KMO: variants seen among roughly 807,000 people sequenced by gnomAD.
KMO encodes the protein kynurenine 3-hydroxylase.
A neutral mutation model predicts 57.8 loss-of-function variants in KMO; 24 were observed. That is an observed-to-expected ratio of 0.42 (90% CI 0.30 to 0.58). The LOEUF is 0.58. KMO is among the 20% of genes least tolerant of loss of function. The probability of loss-of-function intolerance (pLI) is 0.22; values close to 1 mark genes in which losing one functional copy is unlikely to be tolerated. For synonymous variants in KMO, 210 were observed against 193.6 expected (o/e 1.08, Z -0.70); for missense variants, 483 against 588.2 (o/e 0.82, Z 1.85).
In KMO at chr1:241,568,607, C is replaced by T. The variant is rs1662164929; in HGVS notation, c.917C>T (p.Ala306Val). The T allele has an allele frequency of 6.2e-7, 1 of 1,613,954 alleles. No individual in the cohort carries two copies. The highest frequency in any genetic ancestry group is 1.3e-5 in the African/African-American group (1 of 75,040). ...KSHCVLLGDAAHAIVPFFGQG... is the reference protein window; with the variant it reads ...KSHCVLLGDAVHAIVPFFGQG... ...CACTGTGTACTGCTGGGAGATGCAGCTCATGCTATAGTGCCGTTTTTTGGG... is the reference window on the plus strand; with the variant it reads ...CACTGTGTACTGCTGGGAGATGCAGTTCATGCTATAGTGCCGTTTTTTGGG... Residue 306 changes from alanine (A) to valine (V), a missense_variant, in exon 10 of 15, where the codon GCT becomes GTT. This residue lies in a region of KMO where 410 missense variants were observed against 492.3 expected (regional missense o/e 0.83). Coordinates refer to ENST00000366559, the MANE Select transcript of KMO (RefSeq NM_003679.5).
chr1:241,545,061 T>C (rs61333527), intron 1 of KMO, among the ~76,000 whole-genome samples: 4,863 of 152,200 alleles, frequency 0.032, 232 homozygotes, highest in African/African-American at 0.11. Context: ...GCAGATTAAG[T>C]TATATTTAGT....
chr1:241,579,661 T>C (rs1273320541), intron 10 of KMO, among the ~76,000 whole-genome samples: 1 of 152,086 alleles, frequency 6.6e-6, no homozygotes, highest in Non-Finnish European at 1.5e-5. Context: ...GCCATAAGCC[T>C]TCTCCTCAGA....
chr1:241,537,712 G>A (rs772113461), intron 1 of KMO, among the ~76,000 whole-genome samples: 1 of 152,112 alleles, frequency 6.6e-6, no homozygotes, highest in East Asian at 1.9e-4. Flanking sequence ...AAGGCAAAAG[G>A]CATGTCTTAC....
chr1:241,578,462 G>T (rs1490006148), intron 10 of KMO, among the ~76,000 whole-genome samples: 1 of 152,116 alleles, frequency 6.6e-6, no homozygotes, highest in Admixed American at 6.5e-5. Flanking sequence ...TACTGTGAAT[G>T]CTGTTGCTCC....
At chr1:241,561,800 A>G (rs1249013654) in intron 6 of KMO, among the ~76,000 whole-genome samples, 3 of 152,290 alleles carry the variant, frequency 2.0e-5, no homozygotes, top group East Asian at 3.9e-4. Context: ...ACCTGTGCTC[A>G]AGACAAATGT....
In KMO at chr1:241,560,566, TA is replaced by T. The variant is rs1661798403; in HGVS notation, c.362-98del. 5 of 838,578 alleles carry T rather than the reference TA, an allele frequency of 6.0e-6. No homozygotes were observed. In the Admixed American group the frequency reaches 9.8e-5, roughly 16 times the overall value. 51.9% of individuals were successfully genotyped at this position (838,578 alleles called of 1,614,324 possible). The stretch of plus-strand genomic sequence containing the variant: ...TTACATTGTTATGAATAAAATTCTC[TA>T]CCATACTGTTCCCAGAAAACAATTA... On this transcript the variant is annotated intron_variant, in intron 5 of 14. Coordinates refer to ENST00000366559, the MANE Select transcript of KMO (RefSeq NM_003679.5).
At chr1:241,557,409 G>C (rs910663643) in intron 5 of KMO, among the ~76,000 whole-genome samples, 3 of 152,046 alleles carry the variant, frequency 2.0e-5, no homozygotes, top group Non-Finnish European at 4.4e-5. Flanking sequence ...TTTTTAAACA[G>C]AGACTGTACA....
At chr1:241,577,665 A>T (rs1181771531) in intron 10 of KMO, among the ~76,000 whole-genome samples, 1 of 152,088 alleles carries the variant, frequency 6.6e-6, no homozygotes, top group Non-Finnish European at 1.5e-5. Context: ...CATGATGTGC[A>T]CTTTTTTATT....
chr1:241,586,238 A>T (rs1259798680), intron 10 of KMO, among the ~76,000 whole-genome samples: 2 of 119,146 alleles, frequency 1.7e-5, no homozygotes, highest in Non-Finnish European at 3.2e-5. Flanking sequence ...TCGCTCTGTC[A>T]CCCAGGCTGG....
intron 8 of KMO, among the ~76,000 whole-genome samples, chr1:241,565,417 G>C (rs1464578344): frequency 1.3e-5 from 2 of 151,960 alleles, no homozygotes; most frequent in African/African-American, 2.4e-5. Flanking sequence ...ATTGGAATAC[G>C]CATTATCAAA....
At chr1:241,590,399 C>T (rs1399287475) in intron 14 of KMO, 136 bp downstream of exon 14, 4 of 717,406 alleles carry the variant, frequency 5.6e-6, no homozygotes, top group Non-Finnish European at 9.5e-6. Flanking sequence ...CAGAAACTGT[C>T]CTGAGTACAG....
At chr1:241,548,616 ATTAC>A (rs1302962052) in intron 1 of KMO, among the ~76,000 whole-genome samples, 7 of 151,860 alleles carry the variant, frequency 4.6e-5, no homozygotes, top group Non-Finnish European at 1.0e-4. Context: ...CTAAAATCAT[ATTAC>A]TTAATCTTGA....
Position 241,593,481 on chromosome 1 carries a change from T to C in KMO, c.*1328T>C, listed in dbSNP as rs1663393467. Reference sequence around the variant, plus strand: ...AAAATGATTCAGTGTTTCTTTTCTATATTGTCAATGAAAACCTTGAGTTCT... The same window carrying C: ...AAAATGATTCAGTGTTTCTTTTCTACATTGTCAATGAAAACCTTGAGTTCT... On this transcript the variant is annotated 3_prime_UTR_variant, in exon 15 of 15. Transcript: ENST00000366559. 2 of 325,310 alleles carry C rather than the reference T, an allele frequency of 6.1e-6. No individual in the cohort carries two copies. Among genetic ancestry groups the C allele is most frequent in the Non-Finnish European group, 1.4e-5 (2 of 139,858 alleles). 20.2% of individuals were successfully genotyped at this position (325,310 alleles called of 1,614,324 possible).
intron 10 of KMO, among the ~76,000 whole-genome samples, chr1:241,582,025 T>C (rs1016716637): frequency 2.6e-5 from 4 of 152,206 alleles, no homozygotes; most frequent in African/African-American, 9.6e-5. Context: ...TGTAGAATAA[T>C]TTTGCTGCAT....
rs143172110 is a variant in KMO at position 241,591,963 on chromosome 1, A to G, written c.1271A>G (p.Lys424Arg). 18 of 1,613,444 alleles carry G rather than the reference A, an allele frequency of 1.1e-5. No individual in the cohort carries two copies. Among genetic ancestry groups the G allele is most frequent in the East Asian group, 1.1e-4 (5 of 44,878 alleles). Residue 424 changes from lysine (K) to arginine (R), a missense_variant, in exon 15 of 15, where the codon AAA becomes AGA. Physicochemically the swap from Lys to Arg is conservative, Grantham distance 26. This residue lies in a region of KMO where 410 missense variants were observed against 492.3 expected (regional missense o/e 0.83). Transcript: ENST00000366559. ...RWHWQKKVIN[K>R]GLFFLGSLIA... ...CTTGCTGTCTTACAGGTGATAAACA[A>G]AGGACTCTTTTTCTTGGGATCACTG... is the stretch of plus-strand genomic sequence containing the variant.
intron 11 of KMO, among the ~76,000 whole-genome samples, chr1:241,587,935 AC>A (rs1435721469): frequency 1.3e-5 from 2 of 152,086 alleles, no homozygotes; most frequent in East Asian, 3.9e-4. Flanking sequence ...GAACTGGATA[AC>A]CTTTTCCTAC....
intron 10 of KMO, among the ~76,000 whole-genome samples, chr1:241,576,219 A>T (rs527921852): frequency 2.6e-5 from 4 of 151,982 alleles, no homozygotes; most frequent in African/African-American, 9.6e-5. Context: ...CCATTCTGAC[A>T]ATCTATATTT....
intron 8 of KMO, 36 bp from the exon 9 acceptor site, chr1:241,566,455 C>T (rs1460806325): frequency 1.9e-6 from 3 of 1,593,366 alleles, no homozygotes; most frequent in East Asian, 4.6e-5. Context: ...CACTTGGCCC[C>T]CATCCCCTTT....
chr1:241,573,760 A>G (rs1169886128), intron 10 of KMO, among the ~76,000 whole-genome samples: 3 of 152,026 alleles, frequency 2.0e-5, no homozygotes, highest in Admixed American at 6.6e-5. Flanking sequence ...TTTGTCCCCT[A>G]TGAGCCTTAG....
Sources: gnomAD v4.1 joint callset for allele counts (sites outside exome capture counted in the v4.1 genomes callset) on GRCh38, gnomAD v4.1.1 for gene constraint, gnomAD v4.1.1 regional missense constraint, MANE v1.5 for transcripts, NCBI Gene and HGNC (gene_info 2026-07-23, HGNC 2026-07-21) for gene names.